Variants in ABTB3 observed in about 807,000 individuals in gnomAD.
ABTB3 encodes ankyrin repeat and BTB domain containing 3.
chr12:107,653,539 A>C, the ABTB3 span, among the ~76,000 whole-genome samples: 2 of 151,890 alleles, frequency 1.3e-5, no homozygotes, highest in African/African-American at 4.8e-5. Context: ...AGAAAGAAAG[A>C]AAAGAAAAAT....
At chr12:107,564,090 CTGTGTGTG>C in the ABTB3 span, among the ~76,000 whole-genome samples, 183 of 126,432 alleles carry the variant, frequency 1.4e-3, no homozygotes, top group African/African-American at 3.1e-3. Flanking sequence ...ATCTATCTCT[CTGTGTGTG>C]TGTGTGTGTG....
At chr12:107,508,659 A>C in the ABTB3 span, among the ~76,000 whole-genome samples, 1 of 151,760 alleles carries the variant, frequency 6.6e-6, no homozygotes, top group Non-Finnish European at 1.5e-5. Context: ...TTTAGTAGCC[A>C]GGATGGTCTT....
At chr12:107,642,238 C>A in the ABTB3 span, 1 of 1,464,544 alleles carries the variant, frequency 6.8e-7, no homozygotes, top group Non-Finnish European at 9.5e-7. Flanking sequence ...GCCTCAGATC[C>A]TCAGCCTGAG....
the ABTB3 span, among the ~76,000 whole-genome samples, chr12:107,359,302 T>C: frequency 1.7e-4 from 26 of 152,292 alleles, no homozygotes; most frequent in African/African-American, 6.3e-4. Context: ...ATTTCACAGA[T>C]GAGAAGACTG....
chr12:107,530,440 A>G, the ABTB3 span, among the ~76,000 whole-genome samples: 1 of 152,244 alleles, frequency 6.6e-6, no homozygotes, highest in African/African-American at 2.4e-5. Context: ...AGCACATGCC[A>G]TAATTCAAAG....
chr12:107,558,061 G>A, the ABTB3 span, among the ~76,000 whole-genome samples: 1 of 152,162 alleles, frequency 6.6e-6, no homozygotes, highest in South Asian at 2.1e-4. Context: ...AGATGAATAG[G>A]ACTTTGAAAG....
At chr12:107,468,710 A>G in the ABTB3 span, among the ~76,000 whole-genome samples, 1 of 152,212 alleles carries the variant, frequency 6.6e-6, no homozygotes, top group Non-Finnish European at 1.5e-5. Context: ...CAAAGGAGAT[A>G]TAAAGATGAA....
At chr12:107,479,271 C>A in the ABTB3 span, among the ~76,000 whole-genome samples, 1 of 151,980 alleles carries the variant, frequency 6.6e-6, no homozygotes, top group African/African-American at 2.4e-5. Flanking sequence ...CTGGGATGCC[C>A]CTTGAGCTAC....
chr12:107,654,169 G>T, the ABTB3 span, among the ~76,000 whole-genome samples: 1 of 152,174 alleles, frequency 6.6e-6, no homozygotes, highest in African/African-American at 2.4e-5. Flanking sequence ...GCCATATTTT[G>T]TTTATTCATT....
chr12:107,482,910 CTTCTTCTTTCTTTCT>C, the ABTB3 span, among the ~76,000 whole-genome samples: 18 of 134,312 alleles, frequency 1.3e-4, no homozygotes, highest in Non-Finnish European at 1.9e-4. Flanking sequence ...CTCTCTCTTT[CTTCTTCTTTCTTTCT>C]TTCTTTCTTT....
the ABTB3 span, among the ~76,000 whole-genome samples, chr12:107,508,193 C>T: frequency 6.6e-6 from 1 of 151,764 alleles, no homozygotes; most frequent in Admixed American, 6.6e-5. Context: ...TCCTGTATCT[C>T]CCATTGCTTA....
At chr12:107,611,986 C>G in the ABTB3 span, among the ~76,000 whole-genome samples, 1 of 151,934 alleles carries the variant, frequency 6.6e-6, no homozygotes, top group Non-Finnish European at 1.5e-5. Context: ...GTGATTTCTT[C>G]CATTCCTTTT....
chr12:107,654,815 T>TACACACACACACACACACACACAC, the ABTB3 span, among the ~76,000 whole-genome samples: 4 of 141,296 alleles, frequency 2.8e-5, no homozygotes, highest in African/African-American at 1.1e-4. Flanking sequence ...CTACATTGTA[T>TACACACACACACACACACACACAC]ACACACACAC....
At chr12:107,448,694 G>A in the ABTB3 span, among the ~76,000 whole-genome samples, 9,305 of 150,984 alleles carry the variant, frequency 0.062, 934 homozygotes, top group African/African-American at 0.21. Context: ...AGGCTGGAGT[G>A]CAGTGGCACA....
chr12:107,521,968 C>T, the ABTB3 span, among the ~76,000 whole-genome samples: 2 of 152,028 alleles, frequency 1.3e-5, no homozygotes, highest in Non-Finnish European at 2.9e-5. Flanking sequence ...TACAGTGTGG[C>T]TTAAAACACA....
the ABTB3 span, among the ~76,000 whole-genome samples, chr12:107,565,477 G>C: frequency 6.6e-6 from 1 of 151,908 alleles, no homozygotes; most frequent in Non-Finnish European, 1.5e-5. Flanking sequence ...CACTCTTTAG[G>C]GGAGAGAAGC....
At chr12:107,467,874 G>A in the ABTB3 span, among the ~76,000 whole-genome samples, 2 of 152,094 alleles carry the variant, frequency 1.3e-5, no homozygotes, top group Non-Finnish European at 2.9e-5. Context: ...AAACAACAGA[G>A]GCTTGCCTGG....
the ABTB3 span, among the ~76,000 whole-genome samples, chr12:107,437,886 C>T: frequency 2.0e-5 from 3 of 152,068 alleles, no homozygotes; most frequent in Non-Finnish European, 4.4e-5. Flanking sequence ...TCGAGGCCAC[C>T]CTTCAACCTA....
chr12:107,490,221 C>G, the ABTB3 span, among the ~76,000 whole-genome samples: 1 of 152,242 alleles, frequency 6.6e-6, no homozygotes, highest in Middle Eastern at 3.4e-3. Flanking sequence ...GAAGGCGGGG[C>G]TGCTTGAGGA....
Sources: allele counts gnomAD v4.1 joint callset (sites outside exome capture counted in the v4.1 genomes callset), GRCh38; gene constraint gnomAD v4.1.1; transcripts MANE v1.5; gene names NCBI Gene and HGNC (gene_info 2026-07-23, HGNC 2026-07-21).